Variants in SLC4A5 observed in about 807,000 individuals in gnomAD.
SLC4A5 encodes solute carrier family 4 member 5, also known as electrogenic sodium bicarbonate cotransporter 4.
SLC4A5 carries 96 observed loss-of-function variants against 120.4 expected under a neutral mutation model. The observed-to-expected ratio is 0.80, with a 90% CI of 0.68 to 0.94. SLC4A5 has a LOEUF of 0.94. Ranked by LOEUF, SLC4A5 falls within the 40% of genes least tolerant of loss-of-function variation. SLC4A5 has a pLI of 0.00. For missense variants in SLC4A5, 1,259 were observed against 1,459.5 expected (o/e 0.86, Z 2.24); for synonymous variants, 550 against 571.1 (o/e 0.96, Z 0.53).
exon 7 of SLC4A5, chr2:74,304,621 G>T: frequency 1.2e-6 from 2 of 1,614,124 alleles, no homozygotes; most frequent in African/African-American, 2.7e-5. Flanking sequence ...TGTCCCTTCT[G>T]GTCAGTTTTT....
chr2:74,254,720 G>T lies in SLC4A5; in HGVS notation c.1026-14C>A. 1 of 1,573,972 alleles carries T rather than the reference G, an allele frequency of 6.4e-7. No homozygotes were observed. The highest frequency in any genetic ancestry group is 8.7e-7 in the Non-Finnish European group (1 of 1,143,750). Reference sequence around the variant, plus strand: ...ATAAACAGAAATCTGCAAAGAAGATGGAGGAGGAGACAGAGAAGATTAAGG... The same window carrying T: ...ATAAACAGAAATCTGCAAAGAAGATTGAGGAGGAGACAGAGAAGATTAAGG... On this transcript the variant is annotated splice_polypyrimidine_tract_variant and intron_variant, in intron 13 of 30. Transcript: ENST00000394019.
chr2:74,224,705 G>A, intron 28 of SLC4A5, 135 bp downstream of exon 28: 1 of 1,231,910 alleles, frequency 8.1e-7, no homozygotes, highest in South Asian at 1.5e-5. Context: ...ACAAGCAGAT[G>A]CCCCAGCCCA....
At position 74,220,625 on chromosome 2, in the gene SLC4A5, T is replaced by C. The variant is rs1310686697; in HGVS notation, c.*33+809A>G. Among the ~76,000 whole-genome samples the C allele has an allele frequency of 5.6e-5, 8 of 143,894 alleles. No individual in the cohort carries two copies. In the East Asian group the frequency reaches 6.6e-4, roughly 12 times the overall value. 94.4% of individuals were successfully genotyped at this position (143,894 alleles called of 152,430 possible). On this transcript the variant is annotated intron_variant, in intron 30 of 30. Coordinates refer to ENST00000394019, the Ensembl canonical transcript of SLC4A5. ...TCCGCCTCCCAGGTTCACGCCATTCTCCTGCCTCAGCCTCCCGAGTAGCTG... is the reference window on the plus strand; with the variant it reads ...TCCGCCTCCCAGGTTCACGCCATTCCCCTGCCTCAGCCTCCCGAGTAGCTG...
At chr2:74,267,191 G>A (rs1216577347) in intron 8 of SLC4A5, among the ~76,000 whole-genome samples, 1 of 152,180 alleles carries the variant, frequency 6.6e-6, no homozygotes, top group Admixed American at 6.5e-5. Flanking sequence ...ACATGGGGAG[G>A]TGGCCTCTCA....
intron 8 of SLC4A5, among the ~76,000 whole-genome samples, chr2:74,268,297 G>C (rs965628938): frequency 2.6e-5 from 4 of 152,216 alleles, no homozygotes; most frequent in Non-Finnish European, 4.4e-5. Context: ...CTGATGTCTT[G>C]ATGGTTGATA....
intron 4 of SLC4A5, among the ~76,000 whole-genome samples, chr2:74,333,264 G>C (rs749049748): frequency 6.6e-6 from 1 of 152,252 alleles, no homozygotes; most frequent in African/African-American, 2.4e-5. Context: ...TATCAATGGT[G>C]CCATGATCAA....
chr2:74,265,048 G>A, intron 9 of SLC4A5, 56 bp downstream of exon 9: 1 of 1,560,780 alleles, frequency 6.4e-7, no homozygotes, highest in South Asian at 1.2e-5. Flanking sequence ...GGTCAGGGGA[G>A]CTGCCCTGGT....
exon 17 of SLC4A5, chr2:74,250,404 C>G (rs2103985201): frequency 1.2e-6 from 2 of 1,614,098 alleles, no homozygotes; most frequent in African/African-American, 1.3e-5. Flanking sequence ...GGTGATACAG[C>G]CGAGGTAGAT....
intron 7 of SLC4A5, among the ~76,000 whole-genome samples, chr2:74,291,143 C>A (rs1165842969): frequency 2.0e-5 from 3 of 152,218 alleles, no homozygotes; most frequent in Admixed American, 6.5e-5. Flanking sequence ...ACTCCTGATA[C>A]ACTTCCTGTT....
intron 16 of SLC4A5, 151 bp downstream of exon 16, chr2:74,252,028 T>C (rs1237154895): frequency 4.8e-6 from 4 of 840,556 alleles, no homozygotes; most frequent in Non-Finnish European, 7.4e-6. Flanking sequence ...TGGGGATCCA[T>C]GATGGGGTTC....
At chr2:74,248,466 C>A in exon 18 of SLC4A5, 1 of 1,614,126 alleles carries the variant, frequency 6.2e-7, no homozygotes, top group Non-Finnish European at 8.5e-7. Flanking sequence ...TGGCAGTGCC[C>A]AGGAAGCTCT....
chr2:74,280,191 T>A (rs1671768155), intron 8 of SLC4A5, among the ~76,000 whole-genome samples: 1 of 152,136 alleles, frequency 6.6e-6, no homozygotes. Flanking sequence ...CTGTGCCTTT[T>A]CCTCTATGTG....
chr2:74,275,860 G>A (rs953974599), intron 8 of SLC4A5, among the ~76,000 whole-genome samples: 1 of 152,182 alleles, frequency 6.6e-6, no homozygotes, highest in African/African-American at 2.4e-5. Flanking sequence ...TAGAGGATGA[G>A]GAGCCTGCCC....
At chr2:74,227,202 G>A (rs1694875536) in intron 26 of SLC4A5, 72 bp from the exon 27 acceptor site, 1 of 1,482,920 alleles carries the variant, frequency 6.7e-7, no homozygotes, top group African/African-American at 1.4e-5. Context: ...ACTAGGGGAA[G>A]GGGTGCCTGG....
At chr2:74,258,736 GT>G (rs1162402636) in intron 12 of SLC4A5, among the ~76,000 whole-genome samples, 6 of 152,238 alleles carry the variant, frequency 3.9e-5, no homozygotes, top group Admixed American at 3.9e-4. Context: ...CTGGCACAGT[GT>G]AGTGCATGTG....
chr2:74,289,278 A>G (rs897430956), intron 7 of SLC4A5, among the ~76,000 whole-genome samples: 1 of 152,056 alleles, frequency 6.6e-6, no homozygotes, highest in East Asian at 1.9e-4. Context: ...GAACTCATGG[A>G]CTCATGTATT....
chr2:74,331,961 C>T (rs1441070525), intron 4 of SLC4A5, among the ~76,000 whole-genome samples: 1 of 152,134 alleles, frequency 6.6e-6, no homozygotes, highest in Non-Finnish European at 1.5e-5. Context: ...TTCTTTTCAA[C>T]CTGCCCTAGG....
At chr2:74,218,345 G>A (rs1042468050) in exon 31 of SLC4A5, 19 of 152,088 alleles carry the variant, frequency 1.2e-4, no homozygotes, top group African/African-American at 4.6e-4. Flanking sequence ...GCTATGGTTT[G>A]GGGAAACAAG....
At chr2:74,325,964 G>T (rs1193086933) in intron 5 of SLC4A5, among the ~76,000 whole-genome samples, 1 of 151,306 alleles carries the variant, frequency 6.6e-6, no homozygotes, top group Non-Finnish European at 1.5e-5. Context: ...AGGAAGGAGG[G>T]AGAAAGACGA....
Sources: allele counts gnomAD v4.1 joint callset (sites outside exome capture counted in the v4.1 genomes callset), GRCh38; gene constraint gnomAD v4.1.1; transcripts MANE v1.5; gene names NCBI Gene and HGNC (gene_info 2026-07-23, HGNC 2026-07-21).